Variants in HMGB1 observed in about 807,000 individuals in gnomAD.
HMGB1 encodes the protein high mobility group box 1.
For missense variants in HMGB1, 79 were observed against 253.5 expected (o/e 0.31, Z 4.67); for synonymous variants, 81 against 84.0 (o/e 0.96, Z 0.19).
At chr13:30,579,998 G>A (rs982611272) in intron 1 of HMGB1, among the ~76,000 whole-genome samples, 2 of 152,134 alleles carry the variant, frequency 1.3e-5, no homozygotes, top group African/African-American at 4.8e-5. Flanking sequence ...TAATACAAGT[G>A]AATATACAAT....
intron 1 of HMGB1, among the ~76,000 whole-genome samples, chr13:30,534,396 T>C (rs979257101): frequency 5.9e-5 from 9 of 152,112 alleles, no homozygotes; most frequent in Admixed American, 1.3e-4. Flanking sequence ...CACAATATAA[T>C]ACCCTTCACG....
chr13:30,466,045 T>C, upstream of HMGB1: 1 of 688,310 alleles, frequency 1.5e-6, no homozygotes, highest in Non-Finnish European at 1.8e-6. Flanking sequence ...ATTGGCTGTC[T>C]CCGGGGACAC....
At chr13:30,596,206 T>A (rs1333917760) in intron 1 of HMGB1, among the ~76,000 whole-genome samples, 1 of 152,210 alleles carries the variant, frequency 6.6e-6, no homozygotes, top group Non-Finnish European at 1.5e-5. Flanking sequence ...ATTCTCTCCC[T>A]TTATAATCAA....
At chr13:30,503,488 C>A (rs1212764875) in intron 1 of HMGB1, among the ~76,000 whole-genome samples, 3 of 151,562 alleles carry the variant, frequency 2.0e-5, no homozygotes, top group African/African-American at 7.3e-5. Context: ...AATAATAAAT[C>A]GTTATTATAG....
At chr13:30,537,652 C>CATATATATATATATATAT (rs58424009) in intron 1 of HMGB1, among the ~76,000 whole-genome samples, 2 of 68,026 alleles carry the variant, frequency 2.9e-5, no homozygotes, top group Non-Finnish European at 7.0e-5. Flanking sequence ...CATTCTTGTT[C>CATATATATATATATATAT]ATATATATAT....
intron 1 of HMGB1, among the ~76,000 whole-genome samples, chr13:30,538,863 C>A (rs17358096): frequency 0.19 from 28,452 of 149,392 alleles, 4,867 homozygotes; most frequent in African/African-American, 0.47. Flanking sequence ...AAGAAAAACA[C>A]CCCCATGGAC....
intron 1 of HMGB1, among the ~76,000 whole-genome samples, chr13:30,565,644 G>T (rs569408405): frequency 6.6e-6 from 1 of 152,274 alleles, no homozygotes; most frequent in South Asian, 2.1e-4. Flanking sequence ...GTTAGGTCTG[G>T]GTCTGCATGT....
intron 1 of HMGB1, among the ~76,000 whole-genome samples, chr13:30,492,562 A>G (rs982485570): frequency 1.3e-5 from 2 of 152,238 alleles, no homozygotes; most frequent in Non-Finnish European, 2.9e-5. Context: ...TTAAAACCAC[A>G]GTGAGATGCC....
At chr13:30,528,033 G>T (rs966142592) in intron 1 of HMGB1, among the ~76,000 whole-genome samples, 1 of 152,208 alleles carries the variant, frequency 6.6e-6, no homozygotes, top group African/African-American at 2.4e-5. Context: ...GCACTCTGGT[G>T]AACCTAAATT....
At chr13:30,592,046 T>C (rs1246406417) in intron 1 of HMGB1, among the ~76,000 whole-genome samples, 5 of 152,118 alleles carry the variant, frequency 3.3e-5, no homozygotes, top group Admixed American at 6.5e-5. Flanking sequence ...AGAAGGAAAA[T>C]TGTCAAAATT....
chr13:30,564,278 C>CAAAAAAAAAAA (rs60208654), intron 1 of HMGB1, among the ~76,000 whole-genome samples: 1 of 105,846 alleles, frequency 9.4e-6, no homozygotes, highest in African/African-American at 3.2e-5. Flanking sequence ...ACTAAAAATG[C>CAAAAAAAAAAA]AAAAAAAAAA....
At chr13:30,463,746 G>T in intron 1 of HMGB1, 52 bp from the exon 2 acceptor site, 1 of 1,201,214 alleles carries the variant, frequency 8.3e-7, no homozygotes, top group South Asian at 1.5e-5. Flanking sequence ...TGACATATAA[G>T]ACCTTAAAGT....
chr13:30,584,372 A>G (rs1871051909), intron 1 of HMGB1, among the ~76,000 whole-genome samples: 1 of 152,192 alleles, frequency 6.6e-6, no homozygotes, highest in Non-Finnish European at 1.5e-5. Flanking sequence ...TTTCTTGACA[A>G]CTTAGCGAAA....
intron 1 of HMGB1, among the ~76,000 whole-genome samples, chr13:30,477,864 T>A (rs1385350089): frequency 6.6e-6 from 1 of 152,004 alleles, no homozygotes; most frequent in Non-Finnish European, 1.5e-5. Flanking sequence ...TAAAAAACAC[T>A]GAGTGCCCAA....
chr13:30,524,637 C>T (rs1355013834), intron 1 of HMGB1, among the ~76,000 whole-genome samples: 2 of 151,930 alleles, frequency 1.3e-5, no homozygotes, highest in African/African-American at 2.4e-5. Flanking sequence ...GAACCAAGAT[C>T]GTGCCATTGC....
chr13:30,503,647 C>CTTTTTT (rs10590461), intron 1 of HMGB1, among the ~76,000 whole-genome samples: 1 of 106,424 alleles, frequency 9.4e-6, no homozygotes, highest in Non-Finnish European at 1.9e-5. Flanking sequence ...TACTCAGCTT[C>CTTTTTT]TTTTTTTTTT....
At chr13:30,529,801 C>A (rs562422913) in intron 1 of HMGB1, among the ~76,000 whole-genome samples, 2 of 152,284 alleles carry the variant, frequency 1.3e-5, no homozygotes, top group South Asian at 2.1e-4. Context: ...AAAAAATATG[C>A]CACTATCCAA....
rs34930270 is a variant in HMGB1, at chr13:30,482,779, A to ATT, written c.-14-19087_-14-19086dup. 3.8e-3 allele frequency among the ~76,000 whole-genome samples: 534 copies of ATT among 139,064 alleles called. 3 individuals are homozygous for ATT. Among genetic ancestry groups the ATT allele is most frequent in the African/African-American group, 0.013 (520 of 39,684 alleles). 91.2% of individuals were successfully genotyped at this position (139,064 alleles called of 152,430 possible). A position where few individuals can be genotyped will look rare whatever the true frequency, so the allele number is the denominator to read the frequency against. The stretch of plus-strand genomic sequence containing the variant: ...AAAATAAAAAGTGAGGTCTTTACCA[A>ATT]TTTTTTTTTTTGTTGTTGTTTAAAT... On this transcript the variant is annotated intron_variant, in intron 1 of 4. Coordinates refer to the HMGB1 transcript ENST00000405805.
intron 1 of HMGB1, among the ~76,000 whole-genome samples, chr13:30,512,112 G>A (rs1208946282): frequency 6.6e-6 from 1 of 151,564 alleles, no homozygotes; most frequent in Non-Finnish European, 1.5e-5. Flanking sequence ...TCAGGAGTTC[G>A]AGACCAGACT....
Sources: gnomAD v4.1 joint callset for allele counts (sites outside exome capture counted in the v4.1 genomes callset) on GRCh38, gnomAD v4.1.1 for gene constraint, MANE v1.5 for transcripts, NCBI Gene and HGNC (gene_info 2026-07-23, HGNC 2026-07-21) for gene names.